The following ITFG1 variants were observed in gnomAD, a reference collection of about 807,000 sequenced individuals.
ITFG1 encodes the protein integrin alpha FG-GAP repeat containing 1.
Under a neutral mutation model 81.8 loss-of-function variants are expected in ITFG1, and 34 were observed. The observed-to-expected ratio is 0.42, with a 90% CI of 0.32 to 0.55. The LOEUF (loss-of-function observed/expected upper bound fraction) is 0.55. ITFG1 is among the 20% of genes least tolerant of loss of function. The pLI is 0.17. For synonymous variants in ITFG1, 285 were observed against 270.6 expected (o/e 1.05, Z -0.52); for missense variants, 672 against 755.4 (o/e 0.89, Z 1.29).
intron 14 of ITFG1, among the ~76,000 whole-genome samples, chr16:47,211,648 T>C (rs950632494): frequency 6.6e-6 from 1 of 152,202 alleles, no homozygotes; most frequent in African/African-American, 2.4e-5. Context: ...GCTGAAGGTT[T>C]CTTGTAAACA....
chr16:47,325,567 A>ACTC (rs1272122155), intron 8 of ITFG1, among the ~76,000 whole-genome samples: 4 of 152,312 alleles, frequency 2.6e-5, no homozygotes, highest in Non-Finnish European at 5.9e-5. Flanking sequence ...CAAAATTGAT[A>ACTC]GACTGCTAGC....
At chr16:47,318,365 G>A (rs927013709) in intron 8 of ITFG1, among the ~76,000 whole-genome samples, 3 of 152,122 alleles carry the variant, frequency 2.0e-5, no homozygotes, top group Non-Finnish European at 4.4e-5. Flanking sequence ...TTGTATGAAG[G>A]TATCTCAGTA....
At chr16:47,458,382 A>T (rs868323017) in intron 2 of ITFG1, among the ~76,000 whole-genome samples, 5 of 152,280 alleles carry the variant, frequency 3.3e-5, no homozygotes, top group African/African-American at 9.6e-5. Context: ...GAACGTCTTC[A>T]CCTAACTTTT....
intron 12 of ITFG1, among the ~76,000 whole-genome samples, chr16:47,255,808 CAAAT>C (rs972626673): frequency 2.0e-5 from 3 of 151,966 alleles, no homozygotes; most frequent in African/African-American, 7.3e-5. Context: ...GTGAATGACA[CAAAT>C]AAATAAGCCT....
chr16:47,238,191 A>C lies in ITFG1; in HGVS notation c.1331-183T>G, dbSNP rs1339257012. 6.1e-6 allele frequency: 3 copies of C among 492,388 alleles called. No homozygotes were observed. In the African/African-American group the frequency reaches 6.2e-5, roughly 10 times the overall value. 30.5% of individuals were successfully genotyped at this position (492,388 alleles called of 1,614,324 possible). ...TGTTCACTTTATACCAATATTTCAA[A>C]AGCCTTTATTAAACTGTCAAGATGC... On this transcript the variant is annotated intron_variant, in intron 12 of 17. Coordinates refer to ENST00000320640, the MANE Select transcript of ITFG1 (RefSeq NM_030790.5).
intron 8 of ITFG1, among the ~76,000 whole-genome samples, chr16:47,342,195 C>T (rs574909855): frequency 4.6e-5 from 7 of 152,146 alleles, no homozygotes; most frequent in African/African-American, 1.2e-4. Flanking sequence ...GGATTTATCT[C>T]AGAAATGCAA....
intron 10 of ITFG1, among the ~76,000 whole-genome samples, chr16:47,295,298 G>A (rs1054632588): frequency 6.6e-6 from 1 of 152,012 alleles, no homozygotes; most frequent in African/African-American, 2.4e-5. Context: ...GTCTAACTTT[G>A]GTATCAGGGT....
chr16:47,355,275 T>A (rs1246765736), intron 8 of ITFG1, among the ~76,000 whole-genome samples: 1 of 152,076 alleles, frequency 6.6e-6, no homozygotes, highest in Non-Finnish European at 1.5e-5. Context: ...TTATGTCAAG[T>A]GAAATAAGCC....
chr16:47,292,484 T>C (rs1966920064), intron 10 of ITFG1, among the ~76,000 whole-genome samples: 1 of 152,224 alleles, frequency 6.6e-6, no homozygotes, highest in Admixed American at 6.5e-5. Flanking sequence ...TGGATGAGTG[T>C]AGTAATATAG....
rs753383282 is a variant in ITFG1, at chr16:47,460,983, A to C, written c.63T>G (p.Leu21=). 18 of 1,589,722 alleles carry C rather than the reference A, an allele frequency of 1.1e-5. No homozygotes were observed. The East Asian group carries it at 3.4e-4, about 30-fold the overall frequency. ...WALFSPLLAG[L]ALLGVGPVPA... ...GGACCGGCCCGACTCCCAGTAGTGC[A>C]AGCCCTGCGAGGAGCGGCGAGAAGA... Residue 21 remains leucine, a synonymous_variant, in exon 1 of 18, where the codon CTT becomes CTG. Coordinates refer to ENST00000320640, the MANE Select transcript of ITFG1 (RefSeq NM_030790.5).
chr16:47,351,137 T>G (rs1373428390), intron 8 of ITFG1, among the ~76,000 whole-genome samples: 1 of 152,190 alleles, frequency 6.6e-6, no homozygotes, highest in Non-Finnish European at 1.5e-5. Flanking sequence ...AGCATTCCCT[T>G]TGAAAACTGG....
At chr16:47,212,587 A>G (rs1034980464) in intron 14 of ITFG1, among the ~76,000 whole-genome samples, 27 of 152,332 alleles carry the variant, frequency 1.8e-4, no homozygotes, top group African/African-American at 6.0e-4. Context: ...CTTTTTTGCA[A>G]GTTTTAAAAT....
intron 12 of ITFG1, among the ~76,000 whole-genome samples, chr16:47,249,178 GAGGCCAA>G (rs1393447455): frequency 6.6e-6 from 1 of 152,170 alleles, no homozygotes; most frequent in Non-Finnish European, 1.5e-5. Context: ...ACCACTTTGG[GAGGCCAA>G]AGTGGGCGGA....
chr16:47,197,553 C>A lies in ITFG1; in HGVS notation c.1453+21315G>T, dbSNP rs150053731. 2.6e-5 allele frequency among the ~76,000 whole-genome samples: 4 copies of A among 152,316 alleles called. No individual in the cohort carries two copies. The East Asian group carries it at 7.7e-4, about 29-fold the overall frequency. On this transcript the variant is annotated intron_variant, in intron 14 of 17. Coordinates refer to ENST00000320640, the MANE Select transcript of ITFG1 (RefSeq NM_030790.5). ...GTATAAAATCTAACTGTAACCTGAC[C>A]GCCTTGCCACACTTGCTCAGGACAT...
intron 11 of ITFG1, among the ~76,000 whole-genome samples, chr16:47,259,164 G>A (rs921711986): frequency 6.6e-6 from 1 of 152,146 alleles, no homozygotes; most frequent in African/African-American, 2.4e-5. Context: ...ATAAATGTAT[G>A]CTTATTTAAA....
At chr16:47,207,508 A>T (rs969378080) in intron 14 of ITFG1, among the ~76,000 whole-genome samples, 8 of 152,194 alleles carry the variant, frequency 5.3e-5, no homozygotes, top group African/African-American at 1.9e-4. Context: ...GTTTTCAAAA[A>T]AGTGATTAGG....
intron 14 of ITFG1, among the ~76,000 whole-genome samples, chr16:47,183,594 A>T (rs1965164729): frequency 6.6e-6 from 1 of 152,180 alleles, no homozygotes. Context: ...TTAGAAGGAA[A>T]ACTAACAAAC....
chr16:47,277,292 A>G (rs1966407632), intron 10 of ITFG1, among the ~76,000 whole-genome samples: 1 of 152,196 alleles, frequency 6.6e-6, no homozygotes, highest in Non-Finnish European at 1.5e-5. Context: ...AATTAAATAC[A>G]ATTGTCCCTA....
chr16:47,409,040 C>CA (rs1968765717), intron 6 of ITFG1, among the ~76,000 whole-genome samples: 1 of 151,176 alleles, frequency 6.6e-6, no homozygotes, highest in Non-Finnish European at 1.5e-5. Context: ...AGAAAAAGAG[C>CA]AAAAAAAGCA....
Sources: gnomAD v4.1 joint callset for allele counts (sites outside exome capture counted in the v4.1 genomes callset) on GRCh38, gnomAD v4.1.1 for gene constraint, MANE v1.5 for transcripts, NCBI Gene and HGNC (gene_info 2026-07-23, HGNC 2026-07-21) for gene names.